The following RTEL1 variants were observed in gnomAD, a reference collection of about 807,000 sequenced individuals.
The protein encoded by RTEL1 is regulator of telomere elongation helicase 1.
Under a neutral mutation model 162.2 loss-of-function variants are expected in RTEL1, and 86 were observed. That is an observed-to-expected ratio of 0.53 (90% confidence interval 0.45 to 0.63). The LOEUF (loss-of-function observed/expected upper bound fraction) is 0.63, where lower values mean the gene tolerates loss of function less well. RTEL1 is among the 30% of genes least tolerant of loss of function. RTEL1 has a pLI of 0.00. For missense variants in RTEL1, 1,941 were observed against 1,750.2 expected (o/e 1.11, Z -1.95); for synonymous variants, 958 against 717.9 (o/e 1.33, Z -5.35).
intron 16 of RTEL1, 116 bp downstream of exon 16, chr20:63,685,988 CCTT>C (rs1601157166): frequency 2.2e-6 from 2 of 928,456 alleles, no homozygotes; most frequent in Admixed American, 2.1e-5. Context: ...GGCCTGGCCA[CCTT>C]CTCCATATCC....
chr20:63,684,554 C>T (rs944899044), intron 14 of RTEL1, among the ~76,000 whole-genome samples: 4 of 152,290 alleles, frequency 2.6e-5, no homozygotes, highest in Middle Eastern at 3.4e-3. Flanking sequence ...GAGGTTTCAC[C>T]GTGTTAGCCA....
At chr20:63,690,031 A>G in intron 24 of RTEL1, 56 bp from the exon 25 acceptor site, 1 of 1,589,832 alleles carries the variant, frequency 6.3e-7, no homozygotes, top group South Asian at 1.1e-5. Context: ...CACTTCGGTG[A>G]ACTGAACCCT....
At chr20:63,681,043 C>T (rs2090468266) in intron 14 of RTEL1, 5 of 985,250 alleles carry the variant, frequency 5.1e-6, no homozygotes, top group African/African-American at 1.7e-5. Flanking sequence ...CTGGCAGCCC[C>T]AGCAGCCCCA....
intron 30 of RTEL1, among the ~76,000 whole-genome samples, chr20:63,693,837 G>A (rs974139961): frequency 1.2e-4 from 17 of 139,758 alleles, no homozygotes; most frequent in South Asian, 2.4e-4. Flanking sequence ...CCATAGCCCC[G>A]ACCCCTAAGC....
At chr20:63,683,519 C>T (rs116104136) in intron 14 of RTEL1, among the ~76,000 whole-genome samples, 9 of 152,216 alleles carry the variant, frequency 5.9e-5, no homozygotes, top group Non-Finnish European at 1.2e-4. Flanking sequence ...TACGCACACA[C>T]GCACGCACGC....
At chr20:63,679,720 T>A (rs1303608577) in intron 12 of RTEL1, 129 bp from the exon 13 acceptor site, 2 of 741,948 alleles carry the variant, frequency 2.7e-6, no homozygotes, top group Admixed American at 3.9e-5. Flanking sequence ...GCCTGTTTTC[T>A]TCTCGGCAGC....
rs1452471844 is a variant in RTEL1, at chr20:63,678,334, C to G, written c.1025C>G (p.Thr342Ser). Residue 342 changes from threonine to serine, a missense_variant, in exon 12 of 35, where the codon ACC becomes AGC. Physicochemically the swap from Thr to Ser is moderately conservative, Grantham distance 58. Transcript: ENST00000360203. Reference protein sequence around the residue: ...VELPGDDSGVTKPGSYIFELF... With the variant: ...VELPGDDSGVSKPGSYIFELF... ...CTGCCTGGAGACGACAGCGGTGTCA[C>G]CAAGCCAGGGAGGTGAGAGGCGGGG... 1.9e-6 allele frequency: 3 copies of G among 1,612,386 alleles called. No individual in the cohort carries two copies. In the Admixed American group the frequency reaches 5.0e-5, roughly 27 times the overall value.
At chr20:63,680,774 C>T (rs2090462978) in intron 14 of RTEL1, 55 bp downstream of exon 14, 6 of 1,605,022 alleles carry the variant, frequency 3.7e-6, no homozygotes, top group Non-Finnish European at 5.1e-6. Flanking sequence ...GGGCGGGTGC[C>T]TTCTCCTGCT....
rs1374969320 is a variant in RTEL1, at chr20:63,692,942, C to T, written c.2790C>T (p.Ala930=). The T allele has an allele frequency of 6.2e-7, 1 of 1,612,652 alleles. No homozygotes were observed. The highest frequency in any genetic ancestry group is 2.2e-5 in the East Asian group (1 of 44,890). ...QDYKGSDDFA[A]LAACLGPLFA... ...ACAAGGGTTCCGATGACTTCGCCGCCCTGGCCGCCTGTCTCGGCCCCCTCT... is the reference window on the plus strand; with the variant it reads ...ACAAGGGTTCCGATGACTTCGCCGCTCTGGCCGCCTGTCTCGGCCCCCTCT... Residue 930 remains alanine, a synonymous_variant, in exon 29 of 35, where the codon GCC becomes GCT. Transcript: ENST00000360203.
Position 63,687,629 on chromosome 20 carries a change from G to A in RTEL1, c.1349-9G>A, listed in dbSNP as rs772899702. 4.3e-5 allele frequency: 69 copies of A among 1,600,394 alleles called. No individual in the cohort carries two copies. The African/African-American group carries it at 5.1e-4, about 12-fold the overall frequency. On this transcript the variant is annotated splice_polypyrimidine_tract_variant and intron_variant, in intron 16 of 34. Transcript: ENST00000360203. Reference sequence around the variant, plus strand: ...CACTCTGTGCCCTCTGCCGCCCCCCGCCCCACAGGGAAGGTGCTGAGCTAC... The same window carrying A: ...CACTCTGTGCCCTCTGCCGCCCCCCACCCCACAGGGAAGGTGCTGAGCTAC...
chr20:63,688,763 C>T (rs2090654543), intron 21 of RTEL1, 158 bp downstream of exon 21: 4 of 680,846 alleles, frequency 5.9e-6, no homozygotes, highest in East Asian at 5.4e-5. Context: ...CTGAGTGTTG[C>T]CTCTTATCTT....
In RTEL1 at chr20:63,680,706, C is replaced by T. The variant is rs200555432; in HGVS notation, c.1178C>T (p.Ala393Val). 34 of 1,613,242 alleles carry T rather than the reference C, an allele frequency of 2.1e-5. No individual in the cohort carries two copies. Among genetic ancestry groups the T allele is most frequent in the Non-Finnish European group, 2.5e-5 (29 of 1,179,968 alleles). ...AACACGGCCGGACTGCAGAAGCTGG[C>T]GGACATTATCCAGGTGGGGCCTGCT... ...FTNTAGLQKLADIIQIVFSVD... is the reference protein window; with the variant it reads ...FTNTAGLQKLVDIIQIVFSVD... The change falls in exon 14 of 35, where the codon GCG becomes GTG. Residue 393 changes from alanine (A) to valine (V), a missense_variant. Physicochemically the swap from Ala to Val is moderately conservative, Grantham distance 64. Transcript: ENST00000360203.
At chr20:63,686,262 A>G in intron 16 of RTEL1, 1 of 286,902 alleles carries the variant, frequency 3.5e-6, no homozygotes, top group Non-Finnish European at 6.8e-6. Flanking sequence ...TCACATCTGA[A>G]GGGGGCCCGG....
chr20:63,689,181 T>G (rs1601167479), intron 22 of RTEL1, 49 bp downstream of exon 22: 3 of 1,547,062 alleles, frequency 1.9e-6, no homozygotes, highest in Non-Finnish European at 2.7e-6. Flanking sequence ...TGTTCCCTGG[T>G]GGGTGCTTAT....
At position 63,694,213 on chromosome 20, in the gene RTEL1, C is replaced by T. The variant is rs1412399769; in HGVS notation, c.2993-159C>T. ...CCCCCATCCAGCAGGCTGGTGTCTC[C>T]TCTGATGCCCCCAGCACCCAGGCGT... On this transcript the variant is annotated intron_variant, in intron 30 of 34. Transcript: ENST00000360203. 2.4e-5 allele frequency: 16 copies of T among 661,060 alleles called. No homozygotes were observed. The East Asian group carries it at 2.8e-4, about 12-fold the overall frequency. 40.9% of individuals were successfully genotyped at this position (661,060 alleles called of 1,614,324 possible).
rs2090930389 is a variant in RTEL1, at chr20:63,694,841, C to G, written c.3210C>G (p.Ala1070=). ...CCTACCTGGCTGATGCCCGCAGGGC[C>G]CTGGGGTCCGCGGGCTGTAGCCAAC... ...VSAYLADARR[A]LGSAGCSQLL... The change falls in exon 32 of 35, where the codon GCC becomes GCG. Residue 1070 remains alanine, a synonymous_variant. Transcript: ENST00000360203. 2 of 1,612,492 alleles carry G rather than the reference C, an allele frequency of 1.2e-6. No individual in the cohort carries two copies. The highest frequency in any genetic ancestry group is 1.7e-6 in the Non-Finnish European group (2 of 1,179,860).
In RTEL1 at chr20:63,666,104, A is replaced by G. The variant is rs758199339; in HGVS notation, c.614+25A>G. 8 of 1,592,824 alleles carry G rather than the reference A, an allele frequency of 5.0e-6. No homozygotes were observed. The East Asian group carries it at 1.1e-4, about 22-fold the overall frequency. Reference sequence around the variant, plus strand: ...GGTGAGACCCCTCAGTGAGGCCACGACCACTGTCCTTCCATGGCCCAGCTC... The same window carrying G: ...GGTGAGACCCCTCAGTGAGGCCACGGCCACTGTCCTTCCATGGCCCAGCTC... On this transcript the variant is annotated intron_variant, in intron 7 of 34. Coordinates refer to ENST00000360203, the MANE Select transcript of RTEL1 (RefSeq NM_001283009.2).
chr20:63,681,067 G>C, intron 14 of RTEL1: 3 of 985,442 alleles, frequency 3.0e-6, no homozygotes, highest in Non-Finnish European at 3.6e-6. Flanking sequence ...GCACGCAGAT[G>C]AAGAGCTCTG....
In RTEL1 at chr20:63,680,717, C is replaced by G. The variant is rs150285674; in HGVS notation, c.1189C>G (p.Gln397Glu). ...AGLQKLADII[Q>E]IVFSVDPSEG... ...ACTGCAGAAGCTGGCGGACATTATC[C>G]AGGTGGGGCCTGCTCCTCTGTGGCA... The change falls in exon 14 of 35, where the codon CAG becomes GAG. Residue 397 changes from glutamine (Q) to glutamate (E), a missense_variant and splice_region_variant. Coordinates refer to ENST00000360203, the MANE Select transcript of RTEL1 (RefSeq NM_001283009.2). 7.4e-4 allele frequency: 1,191 copies of G among 1,613,384 alleles called. 2 individuals are homozygous for G. The highest frequency in any genetic ancestry group is 1.3e-3 in the South Asian group (118 of 91,092).
Sources: gnomAD v4.1 joint callset for allele counts (sites outside exome capture counted in the v4.1 genomes callset) on GRCh38, gnomAD v4.1.1 for gene constraint, MANE v1.5 for transcripts, NCBI Gene and HGNC (gene_info 2026-07-23, HGNC 2026-07-21) for gene names.